The following NTRK3 variants were observed in gnomAD, a reference collection of about 807,000 sequenced individuals.
NTRK3 encodes the protein neurotrophic receptor tyrosine kinase 3.
A neutral mutation model predicts 91.7 loss-of-function variants in NTRK3; 24 were observed. The ratio of observed to expected loss-of-function variants is 0.26; its 90% CI spans 0.19 to 0.37. NTRK3 has a LOEUF of 0.37. Ranked by LOEUF, NTRK3 falls within the 10% of genes least tolerant of loss-of-function variation. The pLI is 1.00. For synonymous variants in NTRK3, 483 were observed against 404.0 expected, an observed-to-expected ratio of 1.20 and a Z score of -2.34; for missense variants, 880 against 1,068.9, an observed-to-expected ratio of 0.82 and a Z score of 2.46.
chr15:87,981,039 T>C (rs1173020914), intron 14 of NTRK3, among the ~76,000 whole-genome samples: 1 of 152,092 alleles, frequency 6.6e-6, no homozygotes, highest in African/African-American at 2.4e-5. Context: ...CTATGAAGCT[T>C]CCTCCCCTGG....
intron 13 of NTRK3, among the ~76,000 whole-genome samples, chr15:88,086,355 G>T (rs1028744877): frequency 2.6e-5 from 4 of 152,112 alleles, no homozygotes; most frequent in African/African-American, 9.7e-5. Flanking sequence ...GAGATGTGCT[G>T]TAATTATAAA....
intron 4 of NTRK3, 39 bp from the exon 5 acceptor site, chr15:88,183,528 G>T (rs1447552257): frequency 1.3e-6 from 2 of 1,579,082 alleles, no homozygotes; most frequent in East Asian, 4.5e-5. Flanking sequence ...GAGCTCAAGT[G>T]GCAGAGGGAT....
intron 14 of NTRK3, among the ~76,000 whole-genome samples, chr15:88,013,329 G>C (rs2077013827): frequency 6.6e-6 from 1 of 152,218 alleles, no homozygotes; most frequent in African/African-American, 2.4e-5. Flanking sequence ...AAAGGAACAG[G>C]GTTCCTTCTC....
chr15:88,088,536 A>G (rs1344241329), intron 13 of NTRK3, among the ~76,000 whole-genome samples: 3 of 152,202 alleles, frequency 2.0e-5, no homozygotes, highest in Admixed American at 2.0e-4. Context: ...ACATGTTGTA[A>G]CAGTAATGTA....
intron 17 of NTRK3, among the ~76,000 whole-genome samples, chr15:87,895,574 C>G (rs1331333990): frequency 1.3e-5 from 2 of 152,162 alleles, no homozygotes; most frequent in Non-Finnish European, 2.9e-5. Context: ...TGCAAAGTCT[C>G]TCGTGGGAAA....
At chr15:87,921,382 G>A (rs984844989) in intron 17 of NTRK3, among the ~76,000 whole-genome samples, 3 of 152,094 alleles carry the variant, frequency 2.0e-5, no homozygotes, top group East Asian at 1.9e-4. Context: ...AAAACCAAAG[G>A]GACAAATCTG....
rs983530054 is a variant in NTRK3, at chr15:87,908,403, T to C, written c.2133+20788A>G. The C allele has an allele frequency of 5.3e-5, 21 of 398,656 alleles. No individual in the cohort carries two copies. The East Asian group carries it at 7.1e-4, about 14-fold the overall frequency. The allele number at this position is 398,656 out of a possible 1,614,324, so 24.7% of individuals were successfully genotyped here. ...GGAAGCAGGCCCCAGCCCATGGAAG[T>C]GCCTCTCCAAAGCCTGCAAGCTGTC... On this transcript the variant is annotated intron_variant, in intron 17 of 18. Transcript: ENST00000394480.
At chr15:88,000,875 A>C (rs1422983772) in intron 14 of NTRK3, among the ~76,000 whole-genome samples, 1 of 152,184 alleles carries the variant, frequency 6.6e-6, no homozygotes, top group Non-Finnish European at 1.5e-5. Flanking sequence ...CTAGAAGTGG[A>C]ATTGGTAGGT....
chr15:88,132,904 G>T (rs1020292111), intron 10 of NTRK3, among the ~76,000 whole-genome samples: 1 of 152,124 alleles, frequency 6.6e-6, no homozygotes, highest in Non-Finnish European at 1.5e-5. Flanking sequence ...CTCAGGTGAG[G>T]TGCTTTCTCT....
At chr15:88,001,938 A>C (rs2076124899) in intron 14 of NTRK3, among the ~76,000 whole-genome samples, 1 of 152,150 alleles carries the variant, frequency 6.6e-6, no homozygotes, top group South Asian at 2.1e-4. Flanking sequence ...CTGGTATATT[A>C]ATAATATTAA....
intron 14 of NTRK3, chr15:87,979,426 G>T (rs759403707): frequency 6.2e-7 from 1 of 1,613,498 alleles, no homozygotes; most frequent in Non-Finnish European, 8.5e-7. Flanking sequence ...TGGAATGTCC[G>T]GGAAGGCTTA....
chr15:88,063,566 C>T (rs1404051544), intron 13 of NTRK3, among the ~76,000 whole-genome samples: 1 of 152,202 alleles, frequency 6.6e-6, no homozygotes, highest in Non-Finnish European at 1.5e-5. Flanking sequence ...GTAGCTGGTC[C>T]TCACCTCATG....
chr15:88,131,808 G>A (rs758569464), intron 10 of NTRK3, among the ~76,000 whole-genome samples: 2 of 152,156 alleles, frequency 1.3e-5, no homozygotes, highest in African/African-American at 2.4e-5. Context: ...TTGGAAGAAG[G>A]AGACATCCTG....
chr15:87,861,876 A>C (rs2064535312), exon 19 of NTRK3: 1 of 211,406 alleles, frequency 4.7e-6, no homozygotes, highest in African/African-American at 2.3e-5. Context: ...CCTGCTCTGC[A>C]TCTCTAGTCT....
At chr15:88,054,190 C>A (rs547074164) in intron 13 of NTRK3, among the ~76,000 whole-genome samples, 1 of 152,140 alleles carries the variant, frequency 6.6e-6, no homozygotes, top group African/African-American at 2.4e-5. Context: ...TCAGTCAATC[C>A]AAAAAATATA....
chr15:88,207,507 G>T (rs902161860), intron 3 of NTRK3, among the ~76,000 whole-genome samples: 1 of 152,228 alleles, frequency 6.6e-6, no homozygotes, highest in Non-Finnish European at 1.5e-5. Context: ...GTTGAAGCAG[G>T]TTATGTGCTA....
chr15:88,210,821 G>A (rs1440770136), intron 3 of NTRK3, among the ~76,000 whole-genome samples: 2 of 152,158 alleles, frequency 1.3e-5, no homozygotes, highest in African/African-American at 4.8e-5. Context: ...CCATCAGAGA[G>A]CGGGCTCCTG....
intron 5 of NTRK3, among the ~76,000 whole-genome samples, chr15:88,152,223 C>T (rs560917626): frequency 2.6e-5 from 4 of 152,124 alleles, no homozygotes; most frequent in African/African-American, 9.7e-5. Flanking sequence ...ATCGCTTGAA[C>T]CCAGGAGGTG....
chr15:87,974,174 G>A (rs543798311), intron 14 of NTRK3, among the ~76,000 whole-genome samples: 5 of 152,264 alleles, frequency 3.3e-5, no homozygotes, highest in Non-Finnish European at 5.9e-5. Flanking sequence ...GCTGTGCTGC[G>A]GTCACACCTG....
Sources: allele counts gnomAD v4.1 joint callset (sites outside exome capture counted in the v4.1 genomes callset), GRCh38; gene constraint gnomAD v4.1.1; transcripts MANE v1.5; gene names NCBI Gene and HGNC (gene_info 2026-07-23, HGNC 2026-07-21).